The following LSAMP variants were observed in gnomAD, a reference collection of about 807,000 sequenced individuals.
LSAMP encodes the protein limbic system associated membrane protein.
A neutral mutation model predicts 38.6 loss-of-function variants in LSAMP; 7 were observed. That is an observed-to-expected ratio of 0.18 (90% confidence interval 0.10 to 0.34). The LOEUF is 0.34. Ranked by LOEUF, LSAMP falls within the 10% of genes least tolerant of loss-of-function variation. The probability of loss-of-function intolerance (pLI) is 1.00; values close to 1 mark genes in which losing one functional copy is unlikely to be tolerated. For missense variants in LSAMP, 313 were observed against 420.0 expected (o/e 0.75, Z 2.23); for synonymous variants, 154 against 166.8 (o/e 0.92, Z 0.59).
chr3:116,299,502 C>T (rs1016116268), intron 1 of LSAMP, among the ~76,000 whole-genome samples: 2 of 152,198 alleles, frequency 1.3e-5, no homozygotes, highest in African/African-American at 4.8e-5. Flanking sequence ...GAATTGTGCT[C>T]ATTGTAAAAT....
chr3:115,977,748 AT>A (rs1241451040), intron 3 of LSAMP, among the ~76,000 whole-genome samples: 12 of 146,834 alleles, frequency 8.2e-5, no homozygotes, highest in Non-Finnish European at 1.5e-4. Context: ...AAAAAAAAAA[AT>A]CTTTGTCTTT....
Position 115,851,855 on chromosome 3 carries a change from C to T in LSAMP, c.649+628G>A, listed in dbSNP as rs142531448. Among the ~76,000 whole-genome samples the T allele has an allele frequency of 6.6e-5, 10 of 152,234 alleles. No individual in the cohort carries two copies. In the East Asian group the frequency reaches 1.9e-3, roughly 29 times the overall value. ...CTCCCCCCGCCCACCCTCTTTTGAA[C>T]TACATCTAAGAATCCTTTCATCCGA... On this transcript the variant is annotated intron_variant, in intron 4 of 6. Transcript: ENST00000490035.
intron 3 of LSAMP, among the ~76,000 whole-genome samples, chr3:115,860,772 TGGGA>T (rs1271528350): frequency 4.6e-5 from 7 of 152,134 alleles, no homozygotes; most frequent in African/African-American, 1.7e-4. Context: ...AGAAGATTTC[TGGGA>T]GAAATAAGTT....
intron 1 of LSAMP, among the ~76,000 whole-genome samples, chr3:116,355,419 C>T (rs775068094): frequency 1.4e-4 from 22 of 152,084 alleles, no homozygotes; most frequent in Non-Finnish European, 2.4e-4. Flanking sequence ...CTGTCTCTCA[C>T]CATATACAAA....
chr3:115,826,782 A>G (rs534178572), intron 6 of LSAMP, among the ~76,000 whole-genome samples: 13 of 152,314 alleles, frequency 8.5e-5, no homozygotes, highest in Non-Finnish European at 1.2e-4. Context: ...CCTAATGATT[A>G]GAAATCATAA....
chr3:116,424,748 T>C (rs900662758), intron 1 of LSAMP, among the ~76,000 whole-genome samples: 1 of 152,188 alleles, frequency 6.6e-6, no homozygotes, highest in Non-Finnish European at 1.5e-5. Context: ...CTTTCCATTT[T>C]TTCTGATCGA....
intron 1 of LSAMP, among the ~76,000 whole-genome samples, chr3:116,180,164 T>G (rs1710450279): frequency 6.6e-6 from 1 of 152,172 alleles, no homozygotes; most frequent in Non-Finnish European, 1.5e-5. Flanking sequence ...GGTGCTATGC[T>G]TTGTCTTGGG....
At chr3:116,203,626 A>C (rs912048588) in intron 1 of LSAMP, among the ~76,000 whole-genome samples, 3 of 138,998 alleles carry the variant, frequency 2.2e-5, no homozygotes, top group African/African-American at 5.4e-5. Context: ...TTCAATTCCC[A>C]CCTATGAGTG....
At chr3:116,123,958 T>C (rs1708946232) in intron 1 of LSAMP, among the ~76,000 whole-genome samples, 1 of 152,150 alleles carries the variant, frequency 6.6e-6, no homozygotes, top group South Asian at 2.1e-4. Context: ...ATGATGTGGA[T>C]AAAAAGACTG....
At chr3:115,976,562 G>A (rs1361859497) in intron 3 of LSAMP, among the ~76,000 whole-genome samples, 1 of 152,122 alleles carries the variant, frequency 6.6e-6, no homozygotes, top group Non-Finnish European at 1.5e-5. Flanking sequence ...AAATAGTACA[G>A]TATTATTTTA....
intron 1 of LSAMP, among the ~76,000 whole-genome samples, chr3:116,249,965 G>C (rs769784769): frequency 3.9e-5 from 6 of 152,058 alleles, no homozygotes; most frequent in Non-Finnish European, 8.8e-5. Flanking sequence ...TGACCTATAG[G>C]ATAGCCATTA....
intron 6 of LSAMP, among the ~76,000 whole-genome samples, chr3:115,817,212 A>T (rs1442501817): frequency 6.6e-6 from 1 of 152,200 alleles, no homozygotes; most frequent in Non-Finnish European, 1.5e-5. Context: ...TCCTCTCATC[A>T]TCTTGTTAAA....
intron 6 of LSAMP, among the ~76,000 whole-genome samples, chr3:115,814,446 G>A (rs1933942659): frequency 1.3e-5 from 2 of 152,140 alleles, no homozygotes; most frequent in South Asian, 4.1e-4. Context: ...TTTGTTTCAG[G>A]ATCTGGAGCC....
chr3:116,263,295 T>C (rs2046850238), intron 1 of LSAMP, among the ~76,000 whole-genome samples: 1 of 152,132 alleles, frequency 6.6e-6, no homozygotes, highest in Admixed American at 6.5e-5. Context: ...CCCAGCACTT[T>C]GGGAGGCCGA....
chr3:116,325,998 T>C (rs1244030328), intron 1 of LSAMP, among the ~76,000 whole-genome samples: 1 of 152,198 alleles, frequency 6.6e-6, no homozygotes, highest in African/African-American at 2.4e-5. Context: ...CAATTGATGA[T>C]CAAAAGCTGA....
intron 3 of LSAMP, among the ~76,000 whole-genome samples, chr3:115,971,952 C>T (rs1433807938): frequency 6.6e-6 from 1 of 152,114 alleles, no homozygotes; most frequent in Non-Finnish European, 1.5e-5. Context: ...ACATTTTCCA[C>T]ATTTTTTGGC....
At chr3:116,299,854 G>C (rs2047383471) in intron 1 of LSAMP, among the ~76,000 whole-genome samples, 2 of 150,530 alleles carry the variant, frequency 1.3e-5, no homozygotes, top group Non-Finnish European at 1.5e-5. Flanking sequence ...GAACTGAAAG[G>C]CTGTGGGGAA....
chr3:116,116,867 C>T (rs747358815), intron 1 of LSAMP, among the ~76,000 whole-genome samples: 11 of 152,134 alleles, frequency 7.2e-5, no homozygotes, highest in Non-Finnish European at 1.3e-4. Flanking sequence ...GGCCAACAGT[C>T]CAGCCTTCTA....
At chr3:116,021,788 A>G (rs988337175) in intron 2 of LSAMP, among the ~76,000 whole-genome samples, 21 of 152,144 alleles carry the variant, frequency 1.4e-4, no homozygotes, top group African/African-American at 4.6e-4. Flanking sequence ...CTGTGGTGCA[A>G]TTGACTCACA....
Sources: allele counts gnomAD v4.1 joint callset (sites outside exome capture counted in the v4.1 genomes callset), GRCh38; gene constraint gnomAD v4.1.1; transcripts MANE v1.5; gene names NCBI Gene and HGNC (gene_info 2026-07-23, HGNC 2026-07-21).